Variants in GRM8 observed in about 807,000 individuals in gnomAD.
GRM8 encodes the protein glutamate metabotropic receptor 8, also known as metabotropic glutamate receptor 8.
GRM8 carries 47 observed loss-of-function variants against 87.2 expected under a neutral mutation model. The ratio of observed to expected loss-of-function variants is 0.54; its 90% CI spans 0.43 to 0.69. GRM8 has a LOEUF of 0.69. Ranked by LOEUF, GRM8 falls within the 30% of genes least tolerant of loss-of-function variation. The probability of loss-of-function intolerance (pLI) is 0.00; values close to 1 mark genes in which losing one functional copy is unlikely to be tolerated. For synonymous variants in GRM8, 396 were observed against 404.5 expected, an observed-to-expected ratio of 0.98 and a Z score of 0.25; for missense variants, 1,019 against 1,139.2, an observed-to-expected ratio of 0.89 and a Z score of 1.52.
At chr7:126,940,379 G>T (rs1806785871) in intron 3 of GRM8, among the ~76,000 whole-genome samples, 1 of 152,118 alleles carries the variant, frequency 6.6e-6, no homozygotes, top group African/African-American at 2.4e-5. Context: ...CTCAGCCATG[G>T]AGCCTCTTGC....
rs1412962240 is a variant in GRM8 at position 126,601,993 on chromosome 7, A to G, written c.1494+7369T>C. On this transcript the variant is annotated intron_variant, in intron 8 of 10. Transcript: ENST00000339582. The stretch of plus-strand genomic sequence containing the variant: ...TGCCATTGCTTTTGGTGTTTTGGAC[A>G]TGAAGTCCTTGCCCATGCCTATGTC... 2.4e-4 allele frequency among the ~76,000 whole-genome samples: 30 copies of G among 123,174 alleles called. 1 individual carries two copies. The South Asian group carries it at 9.6e-3, about 39-fold the overall frequency. The allele number at this position is 123,174 out of a possible 152,430, so 80.8% of individuals were successfully genotyped here.
At chr7:126,590,857 G>A (rs963863610) in intron 8 of GRM8, among the ~76,000 whole-genome samples, 9 of 152,044 alleles carry the variant, frequency 5.9e-5, no homozygotes, top group African/African-American at 2.2e-4. Context: ...AGCACTGTAA[G>A]AACTACTAAA....
intron 2 of GRM8, among the ~76,000 whole-genome samples, chr7:127,149,883 G>C (rs972588193): frequency 4.8e-4 from 73 of 151,972 alleles, no homozygotes; most frequent in African/African-American, 1.6e-3. Flanking sequence ...TGGGGTCAGG[G>C]TGGGGGAATG....
At chr7:126,659,123 A>G (rs555500826) in intron 7 of GRM8, among the ~76,000 whole-genome samples, 32 of 148,498 alleles carry the variant, frequency 2.2e-4, no homozygotes, top group Non-Finnish European at 3.7e-4. Context: ...CTACTCTTAG[A>G]GAATTCAGCT....
chr7:126,481,070 A>G (rs1223829425), intron 9 of GRM8, among the ~76,000 whole-genome samples: 1 of 152,152 alleles, frequency 6.6e-6, no homozygotes, highest in African/African-American at 2.4e-5. Context: ...AGTGCAAAAT[A>G]TATGATGATT....
intron 7 of GRM8, among the ~76,000 whole-genome samples, chr7:126,732,856 T>C (rs1387222778): frequency 6.6e-6 from 1 of 152,152 alleles, no homozygotes; most frequent in Non-Finnish European, 1.5e-5. Context: ...TCCTGTTTAG[T>C]TTAAAGGCAT....
At chr7:126,535,303 C>T (rs1815523547) in intron 8 of GRM8, among the ~76,000 whole-genome samples, 1 of 152,142 alleles carries the variant, frequency 6.6e-6, no homozygotes, top group East Asian at 1.9e-4. Flanking sequence ...TGGTTTCGGC[C>T]TTGCTCTCTG....
At chr7:127,113,600 G>T (rs562607216) in intron 2 of GRM8, among the ~76,000 whole-genome samples, 1 of 152,216 alleles carries the variant, frequency 6.6e-6, no homozygotes, top group South Asian at 2.1e-4. Flanking sequence ...AACATCATTG[G>T]TTTTTTCCAG....
At chr7:126,620,414 T>C (rs1800003607) in intron 7 of GRM8, among the ~76,000 whole-genome samples, 1 of 152,340 alleles carries the variant, frequency 6.6e-6, no homozygotes, top group Non-Finnish European at 1.5e-5. Flanking sequence ...ATATTTTCTG[T>C]TCAATAAGAA....
At chr7:127,169,162 C>A (rs576138353) in intron 2 of GRM8, among the ~76,000 whole-genome samples, 38 of 151,136 alleles carry the variant, frequency 2.5e-4, no homozygotes, top group African/African-American at 9.2e-4. Context: ...GCCTCTTGCA[C>A]TAAACAGCCA....
chr7:126,965,803 A>G (rs921773449), intron 3 of GRM8, among the ~76,000 whole-genome samples: 1 of 152,112 alleles, frequency 6.6e-6, no homozygotes, highest in African/African-American at 2.4e-5. Flanking sequence ...CACTTGGCAC[A>G]CTGTGGACAT....
At chr7:126,742,419 T>A (rs922742640) in intron 7 of GRM8, among the ~76,000 whole-genome samples, 2 of 151,834 alleles carry the variant, frequency 1.3e-5, no homozygotes, top group Admixed American at 6.6e-5. Context: ...TACAACAGTA[T>A]CCTATTTCCT....
intron 2 of GRM8, among the ~76,000 whole-genome samples, chr7:127,241,656 C>A (rs564287277): frequency 6.6e-6 from 1 of 152,064 alleles, no homozygotes; most frequent in African/African-American, 2.4e-5. Context: ...AGGATGGTCT[C>A]AATCTCCTGA....
chr7:126,462,428 T>C (rs922546278), intron 9 of GRM8, among the ~76,000 whole-genome samples: 3 of 151,620 alleles, frequency 2.0e-5, no homozygotes, highest in African/African-American at 7.2e-5. Context: ...ATTGCAAAGG[T>C]CCTGTATTTC....
At chr7:127,251,839 G>A (rs1582259) in intron 1 of GRM8, among the ~76,000 whole-genome samples, 37,978 of 152,014 alleles carry the variant, frequency 0.25, 5,641 homozygotes, top group African/African-American at 0.39. Context: ...CCAACCCCCA[G>A]CAGGACACGG....
In GRM8 at chr7:126,679,228, G is replaced by T. The variant is rs1807290825; in HGVS notation, c.1358-69730C>A. Among the ~76,000 whole-genome samples the T allele has an allele frequency of 2.0e-5, 3 of 152,282 alleles. No homozygotes were observed. The South Asian group carries it at 6.2e-4, about 32-fold the overall frequency. ...GCTAGCCCATTTTTAAATTATTGCA[G>T]TTCATTTTTACATGTCTAAAATTAT... is the stretch of plus-strand genomic sequence containing the variant. On this transcript the variant is annotated intron_variant, in intron 7 of 10. Transcript: ENST00000339582.
intron 2 of GRM8, among the ~76,000 whole-genome samples, chr7:127,172,097 T>C (rs1315776687): frequency 1.3e-5 from 2 of 152,154 alleles, no homozygotes; most frequent in Non-Finnish European, 2.9e-5. Context: ...AAATGTAAAG[T>C]GACGAAATGA....
chr7:127,196,952 G>C (rs1795312330), intron 2 of GRM8, among the ~76,000 whole-genome samples: 1 of 152,124 alleles, frequency 6.6e-6, no homozygotes, highest in South Asian at 2.1e-4. Context: ...AAACCTGTTG[G>C]TCTCAAACTT....
chr7:126,854,570 G>T (rs1158468109), intron 6 of GRM8, among the ~76,000 whole-genome samples: 1 of 152,052 alleles, frequency 6.6e-6, no homozygotes, highest in Non-Finnish European at 1.5e-5. Context: ...GCTGGTGCTG[G>T]GATCATGCCT....
Sources: allele counts gnomAD v4.1 joint callset (sites outside exome capture counted in the v4.1 genomes callset), GRCh38; gene constraint gnomAD v4.1.1; transcripts MANE v1.5; gene names NCBI Gene and HGNC (gene_info 2026-07-23, HGNC 2026-07-21).